The following ZNF609 variants were observed in gnomAD, a reference collection of about 807,000 sequenced individuals.
ZNF609 encodes the protein zinc finger protein 609.
Under a neutral mutation model 109.5 loss-of-function variants are expected in ZNF609, and 11 were observed. That is an observed-to-expected ratio of 0.10 (90% confidence interval 0.06 to 0.17). The LOEUF (loss-of-function observed/expected upper bound fraction) is 0.17. Ranked by LOEUF, ZNF609 falls within the 10% of genes least tolerant of loss-of-function variation. ZNF609 has a pLI of 1.00. For synonymous variants in ZNF609, 646 were observed against 662.0 expected (o/e 0.98, Z 0.37); for missense variants, 1,559 against 1,772.4 (o/e 0.88, Z 2.16).
chr15:64,680,589 G>GTT, intron 7 of ZNF609, 57 bp from the exon 8 acceptor site: 2 of 1,365,340 alleles, frequency 1.5e-6, no homozygotes, highest in Non-Finnish European at 1.0e-6. Context: ...GTGTGTGTGT[G>GTT]GTTGTATGCA....
chr15:64,550,839 GAAAAA>G (rs35566414), intron 2 of ZNF609, among the ~76,000 whole-genome samples: 1 of 75,328 alleles, frequency 1.3e-5, no homozygotes. Context: ...TCTGTCTCGG[GAAAAA>G]AAAAAAAAAA....
intron 2 of ZNF609, among the ~76,000 whole-genome samples, chr15:64,512,648 G>A (rs1359354624): frequency 6.6e-6 from 1 of 152,072 alleles, no homozygotes; most frequent in Non-Finnish European, 1.5e-5. Context: ...ATAGTTCTTT[G>A]TTGTTGATTT....
intron 1 of ZNF609, among the ~76,000 whole-genome samples, chr15:64,482,363 A>G (rs72741350): frequency 0.019 from 2,853 of 152,170 alleles, 34 homozygotes; most frequent in Non-Finnish European, 0.027. Context: ...CATTTATTTA[A>G]TATTTCCTAT....
intron 1 of ZNF609, among the ~76,000 whole-genome samples, chr15:64,482,182 A>G (rs1893263802): frequency 6.6e-6 from 1 of 152,216 alleles, no homozygotes; most frequent in African/African-American, 2.4e-5. Flanking sequence ...AAGAATGAAA[A>G]CATTAGAGAA....
chr15:64,460,134 C>G (rs908706316), upstream of ZNF609, among the ~76,000 whole-genome samples: 2 of 152,030 alleles, frequency 1.3e-5, no homozygotes, highest in African/African-American at 4.8e-5. Flanking sequence ...CCATCAGGAG[C>G]TGTGATTGCT....
chr15:64,464,792 G>A (rs563067451), intron 1 of ZNF609, among the ~76,000 whole-genome samples: 8 of 152,284 alleles, frequency 5.3e-5, no homozygotes, highest in African/African-American at 1.9e-4. Context: ...CACCTGCCTA[G>A]CTGGGCATGT....
intron 2 of ZNF609, among the ~76,000 whole-genome samples, chr15:64,534,900 G>C (rs1894116564): frequency 6.6e-6 from 1 of 151,908 alleles, no homozygotes; most frequent in East Asian, 1.9e-4. Context: ...GGGCATGGTG[G>C]CATGAGCCTG....
At chr15:64,521,054 G>T (rs185801035) in intron 2 of ZNF609, among the ~76,000 whole-genome samples, 6,220 of 152,188 alleles carry the variant, frequency 0.041, 187 homozygotes, top group Non-Finnish European at 0.061. Context: ...TGGGTAGAAA[G>T]TCCTTCCATA....
intron 1 of ZNF609, among the ~76,000 whole-genome samples, chr15:64,462,349 A>G (rs1293701399): frequency 6.6e-6 from 1 of 152,240 alleles, no homozygotes; most frequent in African/African-American, 2.4e-5. Flanking sequence ...CTTAAGGAAG[A>G]AGACTTCAAG....
chr15:64,595,548 C>T (rs1373258825), intron 2 of ZNF609, among the ~76,000 whole-genome samples: 1 of 152,022 alleles, frequency 6.6e-6, no homozygotes, highest in Non-Finnish European at 1.5e-5. Flanking sequence ...ACACGAGAGC[C>T]ACTAAATTCT....
At chr15:64,599,955 C>A (rs1350765409) in intron 2 of ZNF609, among the ~76,000 whole-genome samples, 1 of 152,198 alleles carries the variant, frequency 6.6e-6, no homozygotes, top group Non-Finnish European at 1.5e-5. Context: ...GGCAGTTATT[C>A]CCTGGGCAGG....
rs1441342719 is a variant in ZNF609 at position 64,541,037 on chromosome 15, A to AG, written c.747+40871_747+40872insG. Among the ~76,000 whole-genome samples, 7 of 149,918 alleles carry AG rather than the reference A, an allele frequency of 4.7e-5. No individual in the cohort carries two copies. In the East Asian group the frequency reaches 1.4e-3, roughly 30 times the overall value. On this transcript the variant is annotated intron_variant, in intron 2 of 9. Transcript: ENST00000326648. ...AGTAAGACTCTGTCTCAAAAAAAAAAAAAAAAAAAACTTTTGTGTCTAACA... is the reference window on the plus strand; with the variant it reads ...AGTAAGACTCTGTCTCAAAAAAAAAAGAAAAAAAAAACTTTTGTGTCTAACA...
At chr15:64,614,810 CTTTTTTTTT>C (rs71133459) in intron 2 of ZNF609, among the ~76,000 whole-genome samples, 4 of 34,342 alleles carry the variant, frequency 1.2e-4, no homozygotes, top group Non-Finnish European at 5.9e-5. Context: ...TAACATCTCG[CTTTTTTTTT>C]TTTTTTTTTT....
intron 2 of ZNF609, among the ~76,000 whole-genome samples, chr15:64,598,762 ATATATATAT>A (rs1895442209): frequency 4.0e-5 from 5 of 125,656 alleles, no homozygotes; most frequent in Admixed American, 3.9e-4. Context: ...ATATATATAT[ATATATATAT>A]ATATATATAT....
In ZNF609 at chr15:64,569,885, C is replaced by G. The variant is rs1436622935; in HGVS notation, c.748-52942C>G. Among the ~76,000 whole-genome samples, 21 of 152,156 alleles carry G rather than the reference C, an allele frequency of 1.4e-4. 1 individual carries two copies. The highest frequency in any genetic ancestry group is 1.4e-3 in the Admixed American group (21 of 15,264). ...AGTTAAAAAGCAAATGCAATAAATG[C>G]CCACAGAATGTTCTTGACTTTTCTT... On this transcript the variant is annotated intron_variant, in intron 2 of 9. Transcript: ENST00000326648.
At chr15:64,503,080 G>A (rs1016911386) in intron 2 of ZNF609, 18 of 151,110 alleles carry the variant, frequency 1.2e-4, no homozygotes, top group African/African-American at 2.4e-4. Flanking sequence ...AAAAGAAAGA[G>A]AGAAATTATC....
intron 1 of ZNF609, among the ~76,000 whole-genome samples, chr15:64,489,402 G>A (rs1397107651): frequency 6.6e-6 from 1 of 151,086 alleles, no homozygotes; most frequent in Non-Finnish European, 1.5e-5. Flanking sequence ...GGCTGGTCTT[G>A]AACTCCTGAC....
chr15:64,582,439 T>C (rs1895119803), intron 2 of ZNF609, among the ~76,000 whole-genome samples: 1 of 152,204 alleles, frequency 6.6e-6, no homozygotes. Context: ...CGTCAATCCT[T>C]TGACACTGTG....
intron 2 of ZNF609, among the ~76,000 whole-genome samples, chr15:64,540,195 G>T (rs751812023): frequency 2.2e-4 from 33 of 152,222 alleles, no homozygotes; most frequent in Non-Finnish European, 3.4e-4. Context: ...GCATATTCTT[G>T]GAGAGAAAGG....
Sources: allele counts gnomAD v4.1 joint callset (sites outside exome capture counted in the v4.1 genomes callset), GRCh38; gene constraint gnomAD v4.1.1; transcripts MANE v1.5; gene names NCBI Gene and HGNC (gene_info 2026-07-23, HGNC 2026-07-21).